Variants in ZNF613 observed in about 807,000 individuals in gnomAD.
ZNF613 encodes zinc finger protein 613.
ZNF613 carries 8 observed loss-of-function variants against 14.3 expected under a neutral mutation model. The ratio of observed to expected loss-of-function variants is 0.56; its 90% CI spans 0.33 to 1.01. The LOEUF is 1.01. Ranked by LOEUF, ZNF613 falls within the 50% of genes least tolerant of loss-of-function variation. The pLI, the probability that ZNF613 is intolerant of heterozygous loss-of-function variation, is 0.03. For synonymous variants in ZNF613, 228 were observed against 254.5 expected, an observed-to-expected ratio of 0.90 and a Z score of 0.99; for missense variants, 656 against 741.9, an observed-to-expected ratio of 0.88 and a Z score of 1.35.
intron 1 of ZNF613, among the ~76,000 whole-genome samples, chr19:51,928,512 C>G (rs1457417000): frequency 6.6e-6 from 1 of 152,164 alleles, no homozygotes; most frequent in Non-Finnish European, 1.5e-5. Context: ...TCTCTCCTTT[C>G]TCTCATCCTG....
chr19:51,944,530 A>T lies in ZNF613; in HGVS notation c.647A>T (p.Lys216Met), dbSNP rs2085376904. The T allele has an allele frequency of 6.2e-7, 1 of 1,613,484 alleles. No homozygotes were observed. The highest frequency in any genetic ancestry group is 1.1e-5 in the South Asian group (1 of 91,040). The change falls in exon 6 of 6, where the codon AAG becomes ATG. Residue 216 changes from lysine to methionine, a missense_variant. By Grantham distance (95) the Lys-to-Met change is moderately conservative. Coordinates refer to ENST00000293471, the MANE Select transcript of ZNF613 (RefSeq NM_001031721.4). The part of the protein sequence containing the change: ...CTECGKAFLK[K>M]SRLIYHQRVH... ...GAGTGTGGGAAGGCTTTCCTCAAGA[A>T]GTCTCGCCTCATCTATCATCAGAGA...
At position 51,944,341 on chromosome 19, in the gene ZNF613, A is replaced by C; in HGVS notation, c.458A>C (p.Asn153Thr). The C allele has an allele frequency of 6.3e-7, 1 of 1,594,854 alleles. No individual in the cohort carries two copies. Among genetic ancestry groups the C allele is most frequent in the African/African-American group, 1.3e-5 (1 of 74,494 alleles). Residue 153 changes from asparagine (N) to threonine (T), a missense_variant, in exon 6 of 6, where the codon AAT (asparagine) becomes ACT (threonine). Physicochemically the swap from Asn to Thr is moderately conservative, Grantham distance 65. Transcript: ENST00000293471. The stretch of plus-strand genomic sequence containing the variant: ...CAGAACAAAAGGTATGAAATCAAGA[A>C]TTCTGTGGGGGTTAATGGAGATGGG... ...VNQNKRYEIK[N>T]SVGVNGDGKS...
chr19:51,927,576 G>A (rs1383537974), intron 1 of ZNF613, 36 bp downstream of exon 1: 2 of 152,998 alleles, frequency 1.3e-5, no homozygotes, highest in South Asian at 4.2e-4. Flanking sequence ...GATGAGGGGA[G>A]GAGGGTGTCT....
intron 3 of ZNF613, among the ~76,000 whole-genome samples, chr19:51,937,126 A>G (rs1016088771): frequency 6.6e-6 from 1 of 152,212 alleles, no homozygotes; most frequent in African/African-American, 2.4e-5. Flanking sequence ...CCATTGGGTT[A>G]TTCCTGGGTT....
Position 51,946,059 on chromosome 19 carries a change from A to C in ZNF613, c.*322A>C. The C allele has an allele frequency of 3.5e-6, 1 of 282,238 alleles. No homozygotes were observed. Among genetic ancestry groups the C allele is most frequent in the South Asian group, 4.4e-5 (1 of 22,522 alleles). 17.5% of individuals were successfully genotyped at this position (282,238 alleles called of 1,614,324 possible). ...GTATCAGGGGGTTTACACAGGAGAG[A>C]AACTTTTGGAAGACCTTTGAAGGCT... On this transcript the variant is annotated 3_prime_UTR_variant, in exon 6 of 6. Transcript: ENST00000293471.
intron 2 of ZNF613, among the ~76,000 whole-genome samples, chr19:51,932,828 A>G (rs929327263): frequency 1.3e-5 from 2 of 151,974 alleles, no homozygotes; most frequent in Non-Finnish European, 2.9e-5. Context: ...GGCATGCACC[A>G]CCATGCCTGG....
intron 5 of ZNF613, among the ~76,000 whole-genome samples, chr19:51,943,216 T>A (rs1009689434): frequency 1.3e-5 from 2 of 152,210 alleles, no homozygotes; most frequent in Non-Finnish European, 2.9e-5. Context: ...GGGGTGAGTG[T>A]TAGTGAGTTT....
chr19:51,935,622 G>A (rs2085300109), intron 2 of ZNF613, among the ~76,000 whole-genome samples: 1 of 152,202 alleles, frequency 6.6e-6, no homozygotes, highest in Admixed American at 6.5e-5. Context: ...ATGCCTACAT[G>A]TGAGGTGTAT....
At chr19:51,938,305 A>C (rs1191564597) in intron 3 of ZNF613, among the ~76,000 whole-genome samples, 1 of 151,034 alleles carries the variant, frequency 6.6e-6, no homozygotes, top group Non-Finnish European at 1.5e-5. Flanking sequence ...TGAGTTTCAC[A>C]TTGTCACCCA....
chr19:51,933,656 T>C (rs2122809472), intron 2 of ZNF613, among the ~76,000 whole-genome samples: 1 of 152,304 alleles, frequency 6.6e-6, no homozygotes, highest in East Asian at 1.9e-4. Flanking sequence ...CTCCAGGGCC[T>C]GAATCCAGGT....
intron 5 of ZNF613, among the ~76,000 whole-genome samples, chr19:51,942,993 G>A (rs916589060): frequency 2.0e-5 from 3 of 152,276 alleles, no homozygotes; most frequent in East Asian, 3.9e-4. Context: ...CACTGCATCC[G>A]GCCATGACTT....
chr19:51,928,045 A>AATCTGTCTAATCT lies in ZNF613; in HGVS notation c.-359+509_-359+510insGTCTAATCTATCT, dbSNP rs2085230867. 3 of 117,348 alleles carry AATCTGTCTAATCT rather than the reference A, an allele frequency of 2.6e-5. No individual in the cohort carries two copies. The South Asian group carries it at 8.1e-4, about 32-fold the overall frequency. The allele number at this position is 117,348 out of a possible 1,614,324, so 7.3% of individuals were successfully genotyped here. On this transcript the variant is annotated intron_variant, in intron 1 of 5. Coordinates refer to ENST00000293471, the MANE Select transcript of ZNF613 (RefSeq NM_001031721.4). The stretch of plus-strand genomic sequence containing the variant: ...ATCTATCTATCTATCTAATCTGTCT[A>AATCTGTCTAATCT]ATCTAATCTATCTATCTATCTATCT...
Position 51,944,383 on chromosome 19 carries a change from C to A in ZNF613, c.500C>A (p.Ala167Asp). Residue 167 changes from alanine to aspartate, a missense_variant, in exon 6 of 6, where the codon GCC (alanine) becomes GAC (aspartate). Coordinates refer to ENST00000293471, the MANE Select transcript of ZNF613 (RefSeq NM_001031721.4). The stretch of plus-strand genomic sequence containing the variant: ...GGAGATGGGAAATCCTTCCTTCATG[C>A]CAAGCATGAACAATTTCATAATGAA... ...VNGDGKSFLHAKHEQFHNEMN... is the reference protein window; with the variant it reads ...VNGDGKSFLHDKHEQFHNEMN... 6.2e-7 allele frequency: 1 copy of A among 1,603,944 alleles called. No homozygotes were observed. The highest frequency in any genetic ancestry group is 8.5e-7 in the Non-Finnish European group (1 of 1,172,040).
At chr19:51,932,283 C>A (rs1255573572) in intron 2 of ZNF613, among the ~76,000 whole-genome samples, 2 of 150,092 alleles carry the variant, frequency 1.3e-5, no homozygotes, top group Non-Finnish European at 3.0e-5. Context: ...ATCCCTTTGG[C>A]CTTTTCGGCT....
chr19:51,940,557 T>C, intron 4 of ZNF613, 60 bp from the exon 5 acceptor site: 1 of 1,550,050 alleles, frequency 6.5e-7, no homozygotes, highest in Non-Finnish European at 8.8e-7. Flanking sequence ...CATGGTCCCA[T>C]GTTGATAGAC....
chr19:51,933,241 A>C (rs1259220510), intron 2 of ZNF613, among the ~76,000 whole-genome samples: 1 of 152,116 alleles, frequency 6.6e-6, no homozygotes, highest in East Asian at 1.9e-4. Context: ...AATTTCCTCA[A>C]GACACTTTCC....
Position 51,945,950 on chromosome 19 carries a change from T to C in ZNF613, c.*213T>C, listed in dbSNP as rs118189942. Reference sequence around the variant, plus strand: ...AGATAGATCTTCTCATCAGTGACCATAGATCACATCTTCAGTGAGCTTATA... The same window carrying C: ...AGATAGATCTTCTCATCAGTGACCACAGATCACATCTTCAGTGAGCTTATA... On this transcript the variant is annotated 3_prime_UTR_variant, in exon 6 of 6. Coordinates refer to ENST00000293471, the MANE Select transcript of ZNF613 (RefSeq NM_001031721.4). 1.9e-4 allele frequency: 108 copies of C among 573,386 alleles called. No individual in the cohort carries two copies. Among genetic ancestry groups the C allele is most frequent in the Admixed American group, 3.1e-4 (10 of 32,396 alleles). The allele number at this position is 573,386 out of a possible 1,614,324, so 35.5% of individuals were successfully genotyped here.
chr19:51,943,603 G>A (rs1031111712), intron 5 of ZNF613, among the ~76,000 whole-genome samples: 1 of 152,138 alleles, frequency 6.6e-6, no homozygotes, highest in Non-Finnish European at 1.5e-5. Flanking sequence ...TTTATTATTT[G>A]TTATTGTTAA....
intron 3 of ZNF613, among the ~76,000 whole-genome samples, chr19:51,939,862 T>G (rs2085333442): frequency 6.6e-6 from 1 of 151,978 alleles, no homozygotes; most frequent in African/African-American, 2.4e-5. Flanking sequence ...TATGCTTTAT[T>G]CATCCTGATA....
Sources: gnomAD v4.1 joint callset for allele counts (sites outside exome capture counted in the v4.1 genomes callset) on GRCh38, gnomAD v4.1.1 for gene constraint, MANE v1.5 for transcripts, NCBI Gene and HGNC (gene_info 2026-07-23, HGNC 2026-07-21) for gene names.